Variants in CLYBL observed in about 807,000 individuals in gnomAD.
CLYBL encodes the protein citramalyl-CoA lyase.
In CLYBL, 31 loss-of-function variants were observed where a neutral mutation model predicts 38.9. That is an observed-to-expected ratio of 0.80 (90% CI 0.60 to 1.08). The LOEUF (loss-of-function observed/expected upper bound fraction) is 1.08. Among genes scored for constraint, CLYBL ranks in the 50% least tolerant of loss-of-function variants. CLYBL has a pLI of 0.00. For synonymous variants in CLYBL, 171 were observed against 158.6 expected, an observed-to-expected ratio of 1.08 and a Z score of -0.59; for missense variants, 434 against 411.6, an observed-to-expected ratio of 1.05 and a Z score of -0.47.
At chr13:99,727,018 G>A (rs2048486199) in intron 1 of CLYBL, among the ~76,000 whole-genome samples, 1 of 152,054 alleles carries the variant, frequency 6.6e-6, no homozygotes, top group Admixed American at 6.5e-5. Flanking sequence ...AATTAGACAG[G>A]CATGGTGTCA....
Position 99,611,436 on chromosome 13 carries a change from C to T in CLYBL, c.62+4679C>T, listed in dbSNP as rs547290942. On this transcript the variant is annotated intron_variant, in intron 1 of 8. Coordinates refer to ENST00000339105, the MANE Select transcript of CLYBL (RefSeq NM_206808.5). Reference sequence around the variant, plus strand: ...GCTTTTCTTCTTCAGTGTGTTAATACGGTAAATTACAGTGATTGACTTTTT... The same window carrying T: ...GCTTTTCTTCTTCAGTGTGTTAATATGGTAAATTACAGTGATTGACTTTTT... Among the ~76,000 whole-genome samples the T allele has an allele frequency of 2.6e-4, 40 of 152,176 alleles. 1 individual carries two copies. The South Asian group carries it at 5.2e-3, about 20-fold the overall frequency.
chr13:99,857,684 T>C (rs2051493906), intron 2 of CLYBL, among the ~76,000 whole-genome samples: 1 of 152,250 alleles, frequency 6.6e-6, no homozygotes, highest in East Asian at 1.9e-4. Context: ...GGTTTAAATC[T>C]GCTGTCCTGG....
intron 1 of CLYBL, among the ~76,000 whole-genome samples, chr13:99,683,738 CT>C (rs35255826): frequency 0.38 from 55,406 of 145,870 alleles, 12,600 homozygotes; most frequent in African/African-American, 0.65. Flanking sequence ...TTACAGTTAA[CT>C]TTTTTTTTTT....
At chr13:99,896,342 G>C (rs1193811716), downstream of CLYBL, 1 of 152,258 alleles carries the variant, frequency 6.6e-6, no homozygotes, top group Non-Finnish European at 1.5e-5. Context: ...AATCAGACTC[G>C]TTACACTGTA....
At chr13:99,811,084 A>T (rs1428288667) in intron 2 of CLYBL, among the ~76,000 whole-genome samples, 3 of 152,172 alleles carry the variant, frequency 2.0e-5, no homozygotes, top group African/African-American at 2.4e-5. Context: ...CCATACCTCC[A>T]GGCCCATTAG....
At chr13:99,828,841 C>T (rs1297323879) in intron 2 of CLYBL, among the ~76,000 whole-genome samples, 3 of 151,952 alleles carry the variant, frequency 2.0e-5, no homozygotes, top group South Asian at 2.1e-4. Context: ...ATATGGAGGG[C>T]GGCAGAGGTG....
chr13:99,692,280 TTTTTTG>T (rs1161102875), intron 1 of CLYBL, among the ~76,000 whole-genome samples: 1 of 118,110 alleles, frequency 8.5e-6, no homozygotes, highest in African/African-American at 2.6e-5. Context: ...CACATTTGTT[TTTTTTG>T]TTTTTTTTTT....
At chr13:99,826,096 T>C (rs954006351) in intron 2 of CLYBL, among the ~76,000 whole-genome samples, 10 of 152,232 alleles carry the variant, frequency 6.6e-5, no homozygotes, top group African/African-American at 2.4e-4. Flanking sequence ...GCTACTGTGA[T>C]GGTCAATTTT....
intron 3 of CLYBL, among the ~76,000 whole-genome samples, chr13:99,862,650 A>C (rs968315580): frequency 6.6e-6 from 1 of 152,196 alleles, no homozygotes; most frequent in African/African-American, 2.4e-5. Context: ...AGGGCCTACC[A>C]TTTGCATTTA....
intron 7 of CLYBL, among the ~76,000 whole-genome samples, chr13:99,883,547 TA>T (rs2052272147): frequency 1.3e-5 from 2 of 150,910 alleles, no homozygotes; most frequent in South Asian, 2.1e-4. Flanking sequence ...GCAGAACCAA[TA>T]TTTTAAAATG....
intron 8 of CLYBL, among the ~76,000 whole-genome samples, chr13:99,904,177 C>A (rs1400627877): frequency 6.6e-6 from 1 of 152,196 alleles, no homozygotes; most frequent in African/African-American, 2.4e-5. Flanking sequence ...AGAATTATTT[C>A]TTGGGCTTTT....
At chr13:99,723,477 G>A (rs573941617) in intron 1 of CLYBL, among the ~76,000 whole-genome samples, 5 of 152,298 alleles carry the variant, frequency 3.3e-5, no homozygotes, top group Middle Eastern at 3.4e-3. Context: ...TGAGAGCAAC[G>A]ACTCTTAAAG....
chr13:99,743,650 A>G (rs1034891608), intron 1 of CLYBL, among the ~76,000 whole-genome samples: 1 of 152,204 alleles, frequency 6.6e-6, no homozygotes, highest in Non-Finnish European at 1.5e-5. Context: ...GATTTGAAGA[A>G]TGGTTGGTTC....
intron 2 of CLYBL, among the ~76,000 whole-genome samples, chr13:99,782,377 C>T (rs531579614): frequency 4.6e-5 from 7 of 152,066 alleles, no homozygotes; most frequent in East Asian, 3.9e-4. Context: ...CGTGGTGGTG[C>T]GCACCTGTAG....
intron 1 of CLYBL, among the ~76,000 whole-genome samples, chr13:99,715,200 G>T (rs1434984118): frequency 6.6e-6 from 1 of 152,066 alleles, no homozygotes; most frequent in African/African-American, 2.4e-5. Flanking sequence ...AGGCTAGGAG[G>T]CAACTGGGGA....
At chr13:99,621,319 G>A (rs2046793262) in intron 1 of CLYBL, among the ~76,000 whole-genome samples, 1 of 151,932 alleles carries the variant, frequency 6.6e-6, no homozygotes, top group African/African-American at 2.4e-5. Flanking sequence ...CCGCTTACCT[G>A]TGGCCCACAT....
At chr13:99,625,503 GATT>G (rs2046857079) in intron 1 of CLYBL, among the ~76,000 whole-genome samples, 1 of 152,098 alleles carries the variant, frequency 6.6e-6, no homozygotes, top group South Asian at 2.1e-4. Flanking sequence ...TAATTTGAGG[GATT>G]ATTGTTAATG....
intron 2 of CLYBL, among the ~76,000 whole-genome samples, chr13:99,798,305 T>G (rs2050063202): frequency 6.6e-6 from 1 of 152,224 alleles, no homozygotes; most frequent in African/African-American, 2.4e-5. Flanking sequence ...AAAGAGAATC[T>G]GCTTACTGCT....
intron 2 of CLYBL, among the ~76,000 whole-genome samples, chr13:99,829,355 C>T (rs997533314): frequency 6.6e-6 from 1 of 152,188 alleles, no homozygotes; most frequent in Non-Finnish European, 1.5e-5. Flanking sequence ...TGAAGGAACA[C>T]GTTAAGACAG....
Sources: allele counts gnomAD v4.1 joint callset (sites outside exome capture counted in the v4.1 genomes callset), GRCh38; gene constraint gnomAD v4.1.1; transcripts MANE v1.5; gene names NCBI Gene and HGNC (gene_info 2026-07-23, HGNC 2026-07-21).